NRDC: variants seen among roughly 807,000 people sequenced by gnomAD.
NRDC encodes nardilysin.
In NRDC, 54 loss-of-function variants were observed where a neutral mutation model predicts 147.1. That is an observed-to-expected ratio of 0.37 (90% CI 0.29 to 0.46). The LOEUF (loss-of-function observed/expected upper bound fraction) is 0.46. Ranked by LOEUF, NRDC falls within the 20% of genes least tolerant of loss-of-function variation. The probability of loss-of-function intolerance (pLI) is 1.00; values close to 1 mark genes in which losing one functional copy is unlikely to be tolerated. For missense variants in NRDC, 1,082 were observed against 1,370.6 expected (o/e 0.79, Z 3.33); for synonymous variants, 440 against 482.1 (o/e 0.91, Z 1.14).
chr1:51,859,827 G>C (rs1682441221), intron 1 of NRDC: 1 of 154,308 alleles, frequency 6.5e-6, no homozygotes, highest in African/African-American at 2.4e-5. Context: ...AGCATTCTCA[G>C]TTTACCTGGA....
chr1:51,846,928 T>A (rs1043778937), intron 1 of NRDC, among the ~76,000 whole-genome samples: 4 of 152,040 alleles, frequency 2.6e-5, no homozygotes, highest in Non-Finnish European at 4.4e-5. Context: ...ACCTCCCCAC[T>A]AGATTAGCTA....
At chr1:51,840,047 T>C (rs1024190271) in intron 2 of NRDC, 179 bp downstream of exon 2, 1 of 521,658 alleles carries the variant, frequency 1.9e-6, no homozygotes, top group Non-Finnish European at 3.4e-6. Flanking sequence ...ATAATGAGCA[T>C]TTACTACTTT....
chr1:51,800,779 C>A, intron 20 of NRDC, 96 bp from the exon 21 acceptor site: 2 of 1,251,046 alleles, frequency 1.6e-6, no homozygotes, highest in Non-Finnish European at 2.3e-6. Context: ...AGGTACCCAG[C>A]ATGGAACTAG....
intron 1 of NRDC, among the ~76,000 whole-genome samples, chr1:51,846,701 G>C (rs183119186): frequency 6.6e-6 from 1 of 152,236 alleles, no homozygotes; most frequent in Non-Finnish European, 1.5e-5. Flanking sequence ...ACACCAACAA[G>C]ATTTATCGCC....
intron 22 of NRDC, chr1:51,795,087 C>G (rs1227429218): frequency 6.9e-7 from 1 of 1,457,086 alleles, no homozygotes; most frequent in Non-Finnish European, 9.1e-7. Flanking sequence ...ATCTGTTTAC[C>G]CATAATACAG....
chr1:51,870,109 T>C (rs1476821982), intron 1 of NRDC, among the ~76,000 whole-genome samples: 1 of 152,208 alleles, frequency 6.6e-6, no homozygotes, highest in African/African-American at 2.4e-5. Context: ...TCTGTGAAAA[T>C]GCCTGGCATG....
At chr1:51,802,076 C>T (rs1347032842) in intron 20 of NRDC, among the ~76,000 whole-genome samples, 2 of 152,146 alleles carry the variant, frequency 1.3e-5, no homozygotes, top group Admixed American at 6.5e-5. Context: ...CGTGAGCCAC[C>T]GCGCCAGGCT....
rs1680080389 is a variant in NRDC, at chr1:51,818,719, G to A, written c.1292-584C>T. ...GTAACAAAACAGTCACTGATTAGGGGAAAGCAAAAGAGACTGGTAACGGGG... is the reference window on the plus strand; with the variant it reads ...GTAACAAAACAGTCACTGATTAGGGAAAAGCAAAAGAGACTGGTAACGGGG... On this transcript the variant is annotated intron_variant, in intron 9 of 30. Transcript: ENST00000352171. Among the ~76,000 whole-genome samples, 2 of 152,064 alleles carry A rather than the reference G, an allele frequency of 1.3e-5. 1 individual carries two copies.
intron 1 of NRDC, among the ~76,000 whole-genome samples, chr1:51,869,447 C>A (rs376325158): frequency 6.6e-6 from 1 of 152,042 alleles, no homozygotes; most frequent in Non-Finnish European, 1.5e-5. Flanking sequence ...TATATGAATA[C>A]GTGAAAAACT....
intron 1 of NRDC, among the ~76,000 whole-genome samples, chr1:51,869,115 A>C (rs1346192744): frequency 6.6e-6 from 1 of 151,844 alleles, no homozygotes; most frequent in African/African-American, 2.4e-5. Context: ...AAGCCCAGCT[A>C]ATTTTTTAAT....
chr1:51,855,948 C>T (rs992728714), intron 1 of NRDC, among the ~76,000 whole-genome samples: 12 of 151,974 alleles, frequency 7.9e-5, no homozygotes, highest in African/African-American at 2.7e-4. Context: ...TAAAATGATG[C>T]GCAATCTCAC....
chr1:51,811,973 T>C, intron 15 of NRDC, 21 bp downstream of exon 15: 1 of 1,534,298 alleles, frequency 6.5e-7, no homozygotes, highest in Non-Finnish European at 9.0e-7. Context: ...AAGTAAGTTT[T>C]AGACGTATAA....
chr1:51,807,759 G>A (rs1336748231), intron 17 of NRDC, among the ~76,000 whole-genome samples: 1 of 149,988 alleles, frequency 6.7e-6, no homozygotes, highest in Admixed American at 6.7e-5. Flanking sequence ...TACAGTTCAA[G>A]ATATGAAACT....
chr1:51,815,428 G>A (rs557743522), intron 11 of NRDC, among the ~76,000 whole-genome samples: 3 of 151,978 alleles, frequency 2.0e-5, no homozygotes, highest in Non-Finnish European at 2.9e-5. Context: ...AACCTACATA[G>A]GTTGTCTAAG....
intron 4 of NRDC, 36 bp downstream of exon 4, chr1:51,833,981 G>A (rs1331784842): frequency 1.9e-6 from 3 of 1,572,572 alleles, no homozygotes; most frequent in Non-Finnish European, 2.6e-6. Flanking sequence ...AGTGCCATTA[G>A]ATCATTAAAA....
chr1:51,819,984 T>C, intron 8 of NRDC, 111 bp from the exon 9 acceptor site: 1 of 770,974 alleles, frequency 1.3e-6, no homozygotes, highest in Non-Finnish European at 2.1e-6. Context: ...ATACTCCTTC[T>C]TGGAAAGCAT....
rs748305810 is a variant in NRDC at position 51,814,538 on chromosome 1, A to G, written c.1619+13T>C. 1.2e-6 allele frequency: 2 copies of G among 1,612,118 alleles called. No individual in the cohort carries two copies. The highest frequency in any genetic ancestry group is 1.7e-6 in the Non-Finnish European group (2 of 1,178,378). On this transcript the variant is annotated intron_variant, in intron 13 of 30. Coordinates refer to ENST00000352171, the MANE Select transcript of NRDC (RefSeq NM_001101662.2). ...GACTGGCTCCTGGCCTCATTCCAGG[A>G]AGTGTTTATTACCTTTTTTCTGGGC...
At chr1:51,862,498 G>C (rs1682593036) in intron 1 of NRDC, 7 of 152,370 alleles carry the variant, frequency 4.6e-5, no homozygotes, top group Admixed American at 4.6e-4. Flanking sequence ...TGAGGTGGGA[G>C]GATTGCTTGA....
intron 1 of NRDC, among the ~76,000 whole-genome samples, chr1:51,851,935 T>C (rs1374136190): frequency 6.6e-6 from 1 of 152,160 alleles, no homozygotes; most frequent in Non-Finnish European, 1.5e-5. Context: ...TGGTTTAATA[T>C]TTGTGTGACT....
Sources: gnomAD v4.1 joint callset for allele counts (sites outside exome capture counted in the v4.1 genomes callset) on GRCh38, gnomAD v4.1.1 for gene constraint, MANE v1.5 for transcripts, NCBI Gene and HGNC (gene_info 2026-07-23, HGNC 2026-07-21) for gene names.